The following STRN variants were observed in gnomAD, a reference collection of about 807,000 sequenced individuals.
STRN encodes the protein striatin.
STRN carries 53 observed loss-of-function variants against 96.3 expected under a neutral mutation model. The observed-to-expected ratio is 0.55, with a 90% CI of 0.44 to 0.69. The LOEUF (loss-of-function observed/expected upper bound fraction) is 0.69, where lower values mean the gene tolerates loss of function less well. STRN is among the 30% of genes least tolerant of loss of function. STRN has a pLI of 0.00. For missense variants in STRN, 987 were observed against 963.9 expected (o/e 1.02, Z -0.32); for synonymous variants, 428 against 355.9 (o/e 1.20, Z -2.28).
chr2:36,956,209 A>T (rs1664883866), intron 1 of STRN, among the ~76,000 whole-genome samples: 2 of 152,204 alleles, frequency 1.3e-5, no homozygotes, highest in Non-Finnish European at 2.9e-5. Context: ...TAATAAATCT[A>T]ATGCCTTCTG....
rs757242474 is a variant in STRN at position 36,966,345 on chromosome 2, G to A, written c.119C>T (p.Ala40Val). 4 of 1,483,072 alleles carry A rather than the reference G, an allele frequency of 2.7e-6. 1 individual carries two copies. The highest frequency in any genetic ancestry group is 2.6e-5 in the South Asian group (2 of 77,178). The allele number at this position is 1,483,072 out of a possible 1,614,324, so 91.9% of individuals were successfully genotyped here. A position where few individuals can be genotyped will look rare whatever the true frequency, so the allele number is the denominator to read the frequency against. The change falls in exon 1 of 18, where the codon GCG (alanine) becomes GTG (valine). Residue 40 changes from alanine (A) to valine (V), a missense_variant. Physicochemically the swap from Ala to Val is moderately conservative, Grantham distance 64. Transcript: ENST00000263918. The part of the protein sequence containing the change: ...AAAAGDGAAA[A>V]GAARAQYSLP... ...ACTGTACTGGGCTCGGGCCGCCCCC[G>A]CCGCAGCCGCCCCGTCGCCGGCCGC...
intron 4 of STRN, among the ~76,000 whole-genome samples, chr2:36,903,306 T>C (rs927438794): frequency 3.3e-5 from 5 of 152,224 alleles, no homozygotes; most frequent in African/African-American, 1.2e-4. Context: ...TGTGTGTGTA[T>C]GTTACTGAAA....
chr2:36,901,474 C>T (rs1199484976), intron 5 of STRN, among the ~76,000 whole-genome samples: 1 of 150,884 alleles, frequency 6.6e-6, no homozygotes, highest in South Asian at 2.1e-4. Context: ...ATGGCGTGAA[C>T]CCAGGAGGCA....
At position 36,873,941 on chromosome 2, in the gene STRN, CAA is replaced by C. The variant is rs56195651; in HGVS notation, c.1323+3948_1323+3949del. 2.6e-3 allele frequency among the ~76,000 whole-genome samples: 361 copies of C among 137,880 alleles called. 1 individual carries two copies. Among genetic ancestry groups the C allele is most frequent in the African/African-American group, 4.4e-3 (162 of 36,854 alleles). The allele number at this position is 137,880 out of a possible 152,430, so 90.5% of individuals were successfully genotyped here. A position where few individuals can be genotyped will look rare whatever the true frequency, so the allele number is the denominator to read the frequency against. On this transcript the variant is annotated intron_variant, in intron 10 of 17. Coordinates refer to ENST00000263918, the MANE Select transcript of STRN (RefSeq NM_003162.4). ...CTGGCGACAAAGCGAGACTCCGCCT[CAA>C]AAAAAAAAAAAAATTCAAGAAGCAA...
intron 2 of STRN, 97 bp from the exon 3 acceptor site, chr2:36,916,248 A>G: frequency 9.7e-7 from 1 of 1,026,120 alleles, no homozygotes; most frequent in Non-Finnish European, 1.5e-6. Flanking sequence ...TCCTGGCTGA[A>G]CACTCCTAGA....
chr2:36,838,930 G>A lies in STRN; in HGVS notation c.*10526C>T, dbSNP rs1446102476. ...CCAAAATATCTTCTCATTAACGTTA[G>A]ACTGTATATGTTTACTGATAAATTT... On this transcript the variant is annotated 3_prime_UTR_variant, in exon 18 of 18. Transcript: ENST00000263918. 1.3e-5 allele frequency among the ~76,000 whole-genome samples: 2 copies of A among 152,154 alleles called. No homozygotes were observed.
At position 36,842,912 on chromosome 2, in the gene STRN, T is replaced by G. The variant is rs1558615652; in HGVS notation, c.*6544A>C. 6.6e-6 allele frequency among the ~76,000 whole-genome samples: 1 copy of G among 152,150 alleles called. No homozygotes were observed. The highest frequency in any genetic ancestry group is 6.6e-5 in the Admixed American group (1 of 15,262). On this transcript the variant is annotated 3_prime_UTR_variant, in exon 18 of 18. Transcript: ENST00000263918. ...GTTTAGGTTAAAAGGTATGCTTGACTCCCAAGGTGTTCTGGGAATATTTTA... is the reference window on the plus strand; with the variant it reads ...GTTTAGGTTAAAAGGTATGCTTGACGCCCAAGGTGTTCTGGGAATATTTTA...
intron 3 of STRN, among the ~76,000 whole-genome samples, chr2:36,910,506 C>T (rs1368678232): frequency 6.6e-6 from 1 of 152,074 alleles, no homozygotes; most frequent in East Asian, 1.9e-4. Flanking sequence ...ATTGTACTAT[C>T]CATGAAGTGG....
chr2:36,902,284 G>C (rs891804106), intron 5 of STRN, among the ~76,000 whole-genome samples: 1 of 152,080 alleles, frequency 6.6e-6, no homozygotes, highest in Non-Finnish European at 1.5e-5. Context: ...CATTCTTACA[G>C]ATTTGTACTG....
At chr2:36,955,721 A>G (rs1572700268) in intron 1 of STRN, among the ~76,000 whole-genome samples, 1 of 152,038 alleles carries the variant, frequency 6.6e-6, no homozygotes, top group African/African-American at 2.4e-5. Context: ...CCTGTCCCCT[A>G]CCTCCAACAC....
chr2:36,956,228 A>C (rs993992850), intron 1 of STRN, among the ~76,000 whole-genome samples: 15 of 152,188 alleles, frequency 9.9e-5, no homozygotes, highest in African/African-American at 3.6e-4. Flanking sequence ...TGTCCATAGA[A>C]ATCTCAACCA....
At position 36,916,115 on chromosome 2, in the gene STRN, C is replaced by T. The variant is rs1269735364; in HGVS notation, c.375G>A (p.Leu125=). 3 of 1,613,660 alleles carry T rather than the reference C, an allele frequency of 1.9e-6. No homozygotes were observed. Among genetic ancestry groups the T allele is most frequent in the Non-Finnish European group, 2.5e-6 (3 of 1,179,836 alleles). Reference sequence around the variant, plus strand: ...TTGGAGGCTTCATATCTCCCTGATTCAATTCTGTCCCGTATTTCAACTTGT... The same window carrying T: ...TTGGAGGCTTCATATCTCCCTGATTTAATTCTGTCCCGTATTTCAACTTGT... ...KYHKLKYGTE[L]NQGDMKPPSY... is the part of the protein sequence containing the mutation. Residue 125 remains leucine, a synonymous_variant, in exon 3 of 18, where the codon TTG becomes TTA. Transcript: ENST00000263918.
At chr2:36,881,115 CTTCTTT>C (rs1243671278) in intron 9 of STRN, among the ~76,000 whole-genome samples, 67 of 129,710 alleles carry the variant, frequency 5.2e-4, no homozygotes, top group African/African-American at 1.8e-3. Flanking sequence ...GTGACACTGC[CTTCTTT>C]TTTTTTTTTT....
At chr2:36,925,238 GT>G (rs777975511) in intron 1 of STRN, 30 bp from the exon 2 acceptor site, 2 of 1,545,408 alleles carry the variant, frequency 1.3e-6, no homozygotes, top group Admixed American at 3.9e-5. Context: ...AAAAAATTCA[GT>G]TTAGACCAAA....
Position 36,838,945 on chromosome 2 carries a change from C to A in STRN, c.*10511G>T, listed in dbSNP as rs1255787342. Among the ~76,000 whole-genome samples, 1 of 152,116 alleles carries A rather than the reference C, an allele frequency of 6.6e-6. No homozygotes were observed. On this transcript the variant is annotated 3_prime_UTR_variant, in exon 18 of 18. Transcript: ENST00000263918. ...ATTAACGTTAGACTGTATATGTTTA[C>A]TGATAAATTTGAGAGACCTTTAAAA...
At chr2:36,865,037 T>G (rs1572631380) in intron 12 of STRN, among the ~76,000 whole-genome samples, 1 of 152,160 alleles carries the variant, frequency 6.6e-6, no homozygotes, top group Non-Finnish European at 1.5e-5. Context: ...TTTTCTGGAA[T>G]AGTTTTAGTA....
chr2:36,893,874 G>A (rs1327445262), intron 7 of STRN, 24 bp downstream of exon 7: 4 of 1,577,426 alleles, frequency 2.5e-6, no homozygotes, highest in South Asian at 1.2e-5. Flanking sequence ...AACATCTCTG[G>A]TTGGATCCAG....
chr2:36,961,310 TG>T (rs1282562916), intron 1 of STRN, among the ~76,000 whole-genome samples: 5 of 150,616 alleles, frequency 3.3e-5, no homozygotes, highest in South Asian at 2.1e-4. Flanking sequence ...GATGGGGTTT[TG>T]CCATGTTGCC....
Position 36,948,081 on chromosome 2 carries a change from C to CTTTTTTTTTTTT in STRN, c.234+18137_234+18148dup, listed in dbSNP as rs553351693. Reference sequence around the variant, plus strand: ...TCTCCTCTATAATTATCAGTGCACTCTTTTTTTTTTTTTTTTTTTTTTTTT... The same window carrying CTTTTTTTTTTTT: ...TCTCCTCTATAATTATCAGTGCACTCTTTTTTTTTTTTTTTTTTTTTTTTTTTTTTTTTTTTT... On this transcript the variant is annotated intron_variant, in intron 1 of 17. Coordinates refer to ENST00000263918, the MANE Select transcript of STRN (RefSeq NM_003162.4). Among the ~76,000 whole-genome samples the CTTTTTTTTTTTT allele has an allele frequency of 3.5e-4, 24 of 68,138 alleles. 5 individuals carry two copies. Among genetic ancestry groups the CTTTTTTTTTTTT allele is most frequent in the African/African-American group, 6.3e-4 (10 of 15,886 alleles). 44.7% of individuals were successfully genotyped at this position (68,138 alleles called of 152,430 possible).
Sources: allele counts gnomAD v4.1 joint callset (sites outside exome capture counted in the v4.1 genomes callset), GRCh38; gene constraint gnomAD v4.1.1; transcripts MANE v1.5; gene names NCBI Gene and HGNC (gene_info 2026-07-23, HGNC 2026-07-21).